The following CSMD1 variants were observed in gnomAD, a reference collection of about 807,000 sequenced individuals.
The protein encoded by CSMD1 is CUB and Sushi multiple domains 1.
Under a neutral mutation model 417.5 loss-of-function variants are expected in CSMD1, and 213 were observed. That is an observed-to-expected ratio of 0.51 (90% confidence interval 0.46 to 0.57). The LOEUF is 0.57. CSMD1 is among the 20% of genes least tolerant of loss of function. The probability of loss-of-function intolerance (pLI) is 0.00; values close to 1 mark genes in which losing one functional copy is unlikely to be tolerated. For synonymous variants in CSMD1, 2,862 were observed against 1,736.8 expected (o/e 1.65, Z -16.11); for missense variants, 6,923 against 4,529.7 (o/e 1.53, Z -15.17).
chr8:4,754,800 G>C (rs1390731813), intron 1 of CSMD1, among the ~76,000 whole-genome samples: 1 of 151,886 alleles, frequency 6.6e-6, no homozygotes, highest in Non-Finnish European at 1.5e-5. Flanking sequence ...AGTGAGCCGA[G>C]ATCGCACCAC....
intron 3 of CSMD1, among the ~76,000 whole-genome samples, chr8:4,319,827 T>A (rs1384838877): frequency 6.6e-6 from 1 of 151,642 alleles, no homozygotes; most frequent in African/African-American, 2.4e-5. Flanking sequence ...ACCCTCGGGG[T>A]CTTCAGCTGA....
At chr8:4,255,885 T>C (rs1416776264) in intron 3 of CSMD1, among the ~76,000 whole-genome samples, 1 of 152,238 alleles carries the variant, frequency 6.6e-6, no homozygotes, top group African/African-American at 2.4e-5. Flanking sequence ...TCCCTGCTAA[T>C]GGTAAACCCA....
At chr8:4,620,041 A>C (rs929642161) in intron 2 of CSMD1, among the ~76,000 whole-genome samples, 1 of 152,068 alleles carries the variant, frequency 6.6e-6, no homozygotes, top group Non-Finnish European at 1.5e-5. Context: ...AAATTAGAAT[A>C]GTATGGTGAA....
intron 7 of CSMD1, among the ~76,000 whole-genome samples, chr8:3,665,802 C>T (rs752329431): frequency 6.6e-6 from 1 of 152,136 alleles, no homozygotes; most frequent in Non-Finnish European, 1.5e-5. Context: ...TTAGAGCACC[C>T]CTAGGAATCT....
At chr8:3,310,596 G>A (rs565689396) in intron 23 of CSMD1, among the ~76,000 whole-genome samples, 1 of 152,280 alleles carries the variant, frequency 6.6e-6, no homozygotes, top group East Asian at 1.9e-4. Flanking sequence ...ATAACCATTA[G>A]GCACACAAAA....
chr8:3,803,254 G>C (rs1800555920), intron 5 of CSMD1, among the ~76,000 whole-genome samples: 1 of 152,284 alleles, frequency 6.6e-6, no homozygotes, highest in South Asian at 2.1e-4. Context: ...TTGGCATAAA[G>C]TCAGGAACAC....
At chr8:3,405,222 G>C (rs956256856) in intron 15 of CSMD1, among the ~76,000 whole-genome samples, 10 of 152,218 alleles carry the variant, frequency 6.6e-5, no homozygotes, top group African/African-American at 2.2e-4. Flanking sequence ...ATATACACTA[G>C]AGGTAAGTTT....
At chr8:4,109,332 T>G in intron 3 of CSMD1, among the ~76,000 whole-genome samples, 1 of 152,286 alleles carries the variant, frequency 6.6e-6, no homozygotes, top group South Asian at 2.1e-4. Context: ...AAAGCTGAGC[T>G]ATCATTTTCA....
intron 7 of CSMD1, among the ~76,000 whole-genome samples, chr8:3,704,430 G>T (rs983316147): frequency 6.6e-6 from 1 of 152,264 alleles, no homozygotes; most frequent in African/African-American, 2.4e-5. Context: ...ACAAACAAGA[G>T]AAGTGGTACT....
chr8:4,153,162 G>T (rs533724916), intron 3 of CSMD1, among the ~76,000 whole-genome samples: 6 of 152,290 alleles, frequency 3.9e-5, no homozygotes, highest in Admixed American at 2.0e-4. Context: ...TGGTGACCAT[G>T]CCAGGAATAA....
intron 3 of CSMD1, among the ~76,000 whole-genome samples, chr8:4,208,844 A>G (rs1156903588): frequency 6.6e-6 from 1 of 152,214 alleles, no homozygotes; most frequent in Non-Finnish European, 1.5e-5. Context: ...TGGAAAATTG[A>G]GGTAGCAATA....
chr8:3,669,940 A>G (rs531569511), intron 7 of CSMD1, among the ~76,000 whole-genome samples: 1 of 152,298 alleles, frequency 6.6e-6, no homozygotes, highest in Non-Finnish European at 1.5e-5. Context: ...GACTTTAAAT[A>G]ACACACCCAA....
intron 62 of CSMD1, among the ~76,000 whole-genome samples, chr8:2,959,089 G>C (rs149170542): frequency 5.3e-5 from 8 of 152,190 alleles, no homozygotes; most frequent in Non-Finnish European, 1.0e-4. Context: ...ACTCTTGATT[G>C]ATTGATTGAT....
At chr8:3,710,695 C>G (rs4398944) in intron 6 of CSMD1, among the ~76,000 whole-genome samples, 1 of 151,868 alleles carries the variant, frequency 6.6e-6, no homozygotes, top group Non-Finnish European at 1.5e-5. Flanking sequence ...CTCTTTGCAG[C>G]GACACTGTGC....
At chr8:4,176,237 G>A (rs1159444528) in intron 3 of CSMD1, among the ~76,000 whole-genome samples, 10 of 151,920 alleles carry the variant, frequency 6.6e-5, no homozygotes, top group South Asian at 4.2e-4. Flanking sequence ...GCTTATGTAC[G>A]TTCTTATATA....
intron 21 of CSMD1, among the ~76,000 whole-genome samples, chr8:3,348,980 A>G (rs1326413604): frequency 1.3e-5 from 2 of 152,218 alleles, no homozygotes; most frequent in Non-Finnish European, 2.9e-5. Context: ...AAGTGGCTAC[A>G]TATACGGGTG....
chr8:4,421,332 T>A (rs905093314), intron 2 of CSMD1, among the ~76,000 whole-genome samples: 1 of 152,186 alleles, frequency 6.6e-6, no homozygotes, highest in Non-Finnish European at 1.5e-5. Flanking sequence ...TATATAACAG[T>A]ATTTAATCAA....
At chr8:3,335,164 C>G (rs1807173925) in intron 23 of CSMD1, among the ~76,000 whole-genome samples, 1 of 152,170 alleles carries the variant, frequency 6.6e-6, no homozygotes, top group Admixed American at 6.5e-5. Context: ...TTCTCTCTCC[C>G]TCCCTCTCAT....
intron 3 of CSMD1, among the ~76,000 whole-genome samples, chr8:4,236,447 T>C (rs1054901753): frequency 6.6e-6 from 1 of 152,102 alleles, no homozygotes; most frequent in African/African-American, 2.4e-5. Context: ...GGTAACACTG[T>C]GACATTTAAC....
Sources: gnomAD v4.1 joint callset for allele counts (sites outside exome capture counted in the v4.1 genomes callset) on GRCh38, gnomAD v4.1.1 for gene constraint, MANE v1.5 for transcripts, NCBI Gene and HGNC (gene_info 2026-07-23, HGNC 2026-07-21) for gene names.